ZNF831: variants seen among roughly 807,000 people sequenced by gnomAD.
ZNF831 encodes chromosome 20 open reading frame 174.
Under a neutral mutation model 95.8 loss-of-function variants are expected in ZNF831, and 59 were observed. The observed-to-expected ratio is 0.62, with a 90% CI of 0.50 to 0.77. The LOEUF (loss-of-function observed/expected upper bound fraction) is 0.77. Among genes scored for constraint, ZNF831 ranks in the 30% least tolerant of loss-of-function variants. The pLI is 0.00. For missense variants in ZNF831, 2,205 were observed against 2,164.0 expected (o/e 1.02, Z -0.38); for synonymous variants, 961 against 925.5 (o/e 1.04, Z -0.70).
intron 4 of ZNF831, among the ~76,000 whole-genome samples, chr20:59,239,461 T>C (rs1987187563): frequency 6.6e-6 from 1 of 152,212 alleles, no homozygotes; most frequent in South Asian, 2.1e-4. Context: ...TGACAACTGC[T>C]TACGGTTCAA....
chr20:59,187,426 C>A (rs1230942133), intron 1 of ZNF831, among the ~76,000 whole-genome samples: 1 of 152,084 alleles, frequency 6.6e-6, no homozygotes, highest in African/African-American at 2.4e-5. Flanking sequence ...AGGATGCAGG[C>A]CCTCACCAGG....
chr20:59,156,270 C>T (rs931216539), intron 2 of ZNF831, among the ~76,000 whole-genome samples: 11 of 152,260 alleles, frequency 7.2e-5, no homozygotes, highest in South Asian at 2.1e-4. Context: ...CAATGGCTCC[C>T]GCCTGTAATC....
intron 4 of ZNF831, among the ~76,000 whole-genome samples, chr20:59,249,239 G>A (rs1285612831): frequency 2.0e-5 from 3 of 152,060 alleles, no homozygotes; most frequent in Non-Finnish European, 4.4e-5. Flanking sequence ...GCTACTCTTT[G>A]GATTAAGCCC....
upstream of ZNF831, among the ~76,000 whole-genome samples, chr20:59,163,155 A>G (rs982705083): frequency 3.3e-5 from 5 of 152,058 alleles, no homozygotes; most frequent in Non-Finnish European, 7.4e-5. Flanking sequence ...TTGTATCCTT[A>G]AACTACTGAA....
chr20:59,221,624 C>G (rs1986079628), intron 4 of ZNF831, among the ~76,000 whole-genome samples: 1 of 152,170 alleles, frequency 6.6e-6, no homozygotes, highest in South Asian at 2.1e-4. Context: ...TGTGGCCAGC[C>G]CTGTCCTAAT....
intron 4 of ZNF831, among the ~76,000 whole-genome samples, chr20:59,233,280 A>T (rs1986836551): frequency 6.6e-6 from 1 of 152,146 alleles, no homozygotes; most frequent in Admixed American, 6.5e-5. Flanking sequence ...GGCACAGGAC[A>T]GTGGCTGGCG....
intron 1 of ZNF831, among the ~76,000 whole-genome samples, chr20:59,133,790 G>A (rs540515035): frequency 1.3e-5 from 2 of 152,312 alleles, no homozygotes; most frequent in African/African-American, 4.8e-5. Flanking sequence ...CGGCAAGGAC[G>A]AGCCCTGGAG....
At chr20:59,151,427 GT>G (rs1980229016) in intron 2 of ZNF831, among the ~76,000 whole-genome samples, 1 of 152,214 alleles carries the variant, frequency 6.6e-6, no homozygotes, top group Non-Finnish European at 1.5e-5. Context: ...TTGACCAGGT[GT>G]TTATGATACA....
rs777611468 is a variant in ZNF831, at chr20:59,191,937, G to A, written c.918G>A (p.Ser306=). 6.2e-7 allele frequency: 1 copy of A among 1,609,448 alleles called. No individual in the cohort carries two copies. The highest frequency in any genetic ancestry group is 1.3e-5 in the African/African-American group (1 of 74,856). Residue 306 remains serine (S), a synonymous_variant, in exon 2 of 6, where the codon TCG becomes TCA. Transcript: ENST00000371030. The part of the protein sequence containing the change: ...QPWRKLPEQK[S]PTAGKPCALQ... The stretch of plus-strand genomic sequence containing the variant: ...GGCGTAAGTTGCCAGAGCAGAAGTC[G>A]CCGACCGCCGGGAAGCCGTGCGCCC...
At chr20:59,194,849 C>T (rs1196436193) in intron 2 of ZNF831, 92 bp downstream of exon 2, 3 of 1,435,974 alleles carry the variant, frequency 2.1e-6, no homozygotes, top group Non-Finnish European at 2.8e-6. Flanking sequence ...CTGAAGCCGT[C>T]CCATGTAGCA....
intron 4 of ZNF831, among the ~76,000 whole-genome samples, chr20:59,211,286 G>C (rs1985315267): frequency 6.6e-6 from 1 of 152,184 alleles, no homozygotes; most frequent in South Asian, 2.1e-4. Context: ...CTAGGTCCCT[G>C]GCTCCCATTT....
chr20:59,209,400 A>T (rs1186825017), intron 4 of ZNF831, among the ~76,000 whole-genome samples: 1 of 152,218 alleles, frequency 6.6e-6, no homozygotes, highest in East Asian at 1.9e-4. Flanking sequence ...CTTTCTGGAA[A>T]GATGGGGGTT....
intron 1 of ZNF831, among the ~76,000 whole-genome samples, chr20:59,133,180 A>ACTT (rs11471889): frequency 1.7e-4 from 2 of 12,008 alleles, no homozygotes. Flanking sequence ...CCGTAGGATC[A>ACTT]CTTTGGGCAG....
intron 1 of ZNF831, among the ~76,000 whole-genome samples, chr20:59,132,325 G>A (rs1286814471): frequency 1.4e-5 from 2 of 139,972 alleles, no homozygotes; most frequent in Non-Finnish European, 3.0e-5. Context: ...TCTGACTTCA[G>A]TAAACTGTCT....
chr20:59,141,084 G>A (rs1273132507), intron 1 of ZNF831, among the ~76,000 whole-genome samples: 1 of 152,138 alleles, frequency 6.6e-6, no homozygotes, highest in African/African-American at 2.4e-5. Flanking sequence ...ATTTTTAGTA[G>A]AGACGAGGTT....
At chr20:59,123,659 C>A (rs1157314435) in intron 1 of ZNF831, among the ~76,000 whole-genome samples, 1 of 152,140 alleles carries the variant, frequency 6.6e-6, no homozygotes, top group Non-Finnish European at 1.5e-5. Context: ...ACAAGCAGGG[C>A]AAGGAGGAAG....
At chr20:59,186,017 CG>C (rs1259936933) in intron 1 of ZNF831, among the ~76,000 whole-genome samples, 2 of 152,214 alleles carry the variant, frequency 1.3e-5, no homozygotes, top group Non-Finnish European at 1.5e-5. Context: ...GAGCCTACCC[CG>C]TGCATTCATG....
chr20:59,207,966 A>C (rs1568769933), intron 4 of ZNF831, among the ~76,000 whole-genome samples: 1 of 152,176 alleles, frequency 6.6e-6, no homozygotes, highest in East Asian at 1.9e-4. Context: ...ATGGCACTTG[A>C]GTGCTCTCCC....
intron 4 of ZNF831, among the ~76,000 whole-genome samples, chr20:59,235,901 A>T (rs1986970505): frequency 6.6e-6 from 1 of 152,220 alleles, no homozygotes; most frequent in African/African-American, 2.4e-5. Context: ...GTGCTGAAAG[A>T]CAGACAGCCT....
Sources: gnomAD v4.1 joint callset for allele counts (sites outside exome capture counted in the v4.1 genomes callset) on GRCh38, gnomAD v4.1.1 for gene constraint, MANE v1.5 for transcripts, NCBI Gene and HGNC (gene_info 2026-07-23, HGNC 2026-07-21) for gene names.